The following ATF6 variants were observed in gnomAD, a reference collection of about 807,000 sequenced individuals.
ATF6 encodes the protein cyclic AMP-dependent transcription factor ATF-6 alpha.
A neutral mutation model predicts 83.6 loss-of-function variants in ATF6; 53 were observed. That is an observed-to-expected ratio of 0.63 (90% CI 0.51 to 0.80). The LOEUF (loss-of-function observed/expected upper bound fraction) is 0.80. Ranked by LOEUF, ATF6 falls within the 30% of genes least tolerant of loss-of-function variation. ATF6 has a pLI of 0.00. For missense variants in ATF6, 744 were observed against 797.9 expected (o/e 0.93, Z 0.81); for synonymous variants, 288 against 285.8 (o/e 1.01, Z -0.08).
At chr1:161,795,799 G>T (rs971596373) in intron 6 of ATF6, among the ~76,000 whole-genome samples, 4 of 152,184 alleles carry the variant, frequency 2.6e-5, no homozygotes, top group Non-Finnish European at 5.9e-5. Context: ...ACAATTCTTT[G>T]CATTGTAGTT....
chr1:161,896,009 G>A (rs1488035044), intron 14 of ATF6, among the ~76,000 whole-genome samples: 2 of 152,198 alleles, frequency 1.3e-5, no homozygotes, highest in Non-Finnish European at 2.9e-5. Context: ...GACCATCCCT[G>A]TTCTCTGCAT....
chr1:161,929,339 T>G (rs116134970), intron 15 of ATF6, among the ~76,000 whole-genome samples: 1,908 of 152,234 alleles, frequency 0.013, 46 homozygotes, highest in African/African-American at 0.043. Context: ...TCAGTGATAG[T>G]GCTGATCCTG....
intron 15 of ATF6, among the ~76,000 whole-genome samples, chr1:161,920,892 C>T (rs1688200531): frequency 6.6e-6 from 1 of 152,100 alleles, no homozygotes; most frequent in South Asian, 2.1e-4. Context: ...TTAGGCCTGG[C>T]TTCAAAGGAG....
At chr1:161,949,905 A>G (rs1483541111) in intron 15 of ATF6, among the ~76,000 whole-genome samples, 1 of 152,188 alleles carries the variant, frequency 6.6e-6, no homozygotes, top group Non-Finnish European at 1.5e-5. Context: ...TCATAGCAGG[A>G]AGAGACACTC....
At chr1:161,931,381 T>C (rs1688429657) in intron 15 of ATF6, among the ~76,000 whole-genome samples, 1 of 152,230 alleles carries the variant, frequency 6.6e-6, no homozygotes, top group South Asian at 2.1e-4. Flanking sequence ...ATATATTAAA[T>C]AGCAGTATCG....
intron 4 of ATF6, among the ~76,000 whole-genome samples, chr1:161,786,700 C>A (rs367664974): frequency 9.2e-5 from 14 of 152,284 alleles, no homozygotes; most frequent in African/African-American, 3.4e-4. Context: ...GCCCCTATCA[C>A]TCCAATACTT....
At chr1:161,784,361 G>T (rs1684700105) in intron 4 of ATF6, among the ~76,000 whole-genome samples, 2 of 152,186 alleles carry the variant, frequency 1.3e-5, no homozygotes, top group South Asian at 4.1e-4. Context: ...TCCAGTATTT[G>T]TTTATTGGCT....
intron 7 of ATF6, among the ~76,000 whole-genome samples, chr1:161,810,983 C>A (rs912734995): frequency 1.2e-4 from 18 of 151,984 alleles, no homozygotes; most frequent in African/African-American, 4.4e-4. Flanking sequence ...TATGGATATA[C>A]CACATTTTTG....
chr1:161,943,736 G>A (rs1040474083), intron 15 of ATF6, among the ~76,000 whole-genome samples: 3 of 152,032 alleles, frequency 2.0e-5, no homozygotes, highest in Non-Finnish European at 2.9e-5. Flanking sequence ...CTTTTCACAC[G>A]CACACAAAAA....
chr1:161,869,157 C>T (rs1013220116), intron 14 of ATF6, among the ~76,000 whole-genome samples: 4 of 151,798 alleles, frequency 2.6e-5, no homozygotes, highest in Admixed American at 6.6e-5. Context: ...GGCATAAAAA[C>T]GAATTTCAAA....
At position 161,821,550 on chromosome 1, in the gene ATF6, T is replaced by G. The variant is rs17448307; in HGVS notation, c.1187+389T>G. Among the ~76,000 whole-genome samples, 1,506 of 152,248 alleles carry G rather than the reference T, an allele frequency of 9.9e-3. 8 individuals carry two copies. The highest frequency in any genetic ancestry group is 0.017 in the South Asian group (83 of 4,818). ...TAATATCAGTTTGCCATGTGCAAAG[T>G]ATGAGAAAGGCATGCCAGGCAAAGG... is the stretch of plus-strand genomic sequence containing the variant. On this transcript the variant is annotated intron_variant, in intron 9 of 15. Transcript: ENST00000367942.
rs1283128609 is a variant in ATF6, at chr1:161,962,789, T to A, written c.*4135T>A. ...CATACTATTGGCTATTTCATACCAA[T>A]TAACCTCTTAAATAAGATTGTGAAT... On this transcript the variant is annotated 3_prime_UTR_variant, in exon 16 of 16. Transcript: ENST00000367942. 1 of 152,214 alleles carries A rather than the reference T, an allele frequency of 6.6e-6. No individual in the cohort carries two copies. The highest frequency in any genetic ancestry group is 2.1e-4 in the South Asian group (1 of 4,830). The allele number at this position is 152,214 out of a possible 1,614,324, so 9.4% of individuals were successfully genotyped here.
At chr1:161,927,350 A>C (rs546907193) in intron 15 of ATF6, among the ~76,000 whole-genome samples, 4 of 152,290 alleles carry the variant, frequency 2.6e-5, no homozygotes, top group African/African-American at 9.6e-5. Flanking sequence ...AAAAACATTT[A>C]TAGAGACAGG....
In ATF6 at chr1:161,954,154, T is replaced by C. The variant is rs565215876; in HGVS notation, c.1805-4292T>C. 9.9e-4 allele frequency among the ~76,000 whole-genome samples: 151 copies of C among 152,276 alleles called. 1 individual carries two copies. The highest frequency in any genetic ancestry group is 3.5e-3 in the African/African-American group (145 of 41,566). ...AAACCAGGACTCAGATTGAAAATTA[T>C]AAGTAAGAATGGCACAGTAGAGTTA... On this transcript the variant is annotated intron_variant, in intron 15 of 15. Transcript: ENST00000367942.
intron 13 of ATF6, 83 bp from the exon 14 acceptor site, chr1:161,863,115 A>G: frequency 1.4e-6 from 1 of 711,724 alleles, no homozygotes; most frequent in Non-Finnish European, 2.3e-6. Context: ...CTTAGAATTC[A>G]GACATAGCCT....
At position 161,882,548 on chromosome 1, in the gene ATF6, T is replaced by G. The variant is rs564380080; in HGVS notation, c.1719+19236T>G. 3.3e-5 allele frequency among the ~76,000 whole-genome samples: 5 copies of G among 152,224 alleles called. No individual in the cohort carries two copies. In the South Asian group the frequency reaches 1.0e-3, roughly 32 times the overall value. ...TGCATGTATACACATATACATACTC[T>G]ATGCATTGGCTTAGATAATATAAAA... On this transcript the variant is annotated intron_variant, in intron 14 of 15. Transcript: ENST00000367942.
At chr1:161,940,757 T>G (rs2101909520) in intron 15 of ATF6, among the ~76,000 whole-genome samples, 1 of 152,120 alleles carries the variant, frequency 6.6e-6, no homozygotes, top group East Asian at 1.9e-4. Flanking sequence ...AGAGACAGGG[T>G]TTCACCATGT....
At chr1:161,816,743 A>G (rs2101778612) in intron 7 of ATF6, among the ~76,000 whole-genome samples, 1 of 152,342 alleles carries the variant, frequency 6.6e-6, no homozygotes, top group African/African-American at 2.4e-5. Flanking sequence ...AAAGCAGTTT[A>G]CCAAACAGAA....
chr1:161,876,130 G>T (rs1687212248), intron 14 of ATF6, among the ~76,000 whole-genome samples: 1 of 152,030 alleles, frequency 6.6e-6, no homozygotes, highest in Non-Finnish European at 1.5e-5. Context: ...GAATATTTCA[G>T]TACTGTTAGT....
Sources: gnomAD v4.1 joint callset for allele counts (sites outside exome capture counted in the v4.1 genomes callset) on GRCh38, gnomAD v4.1.1 for gene constraint, MANE v1.5 for transcripts, NCBI Gene and HGNC (gene_info 2026-07-23, HGNC 2026-07-21) for gene names.